The following PRKN variants were observed in gnomAD, a reference collection of about 807,000 sequenced individuals.
The protein encoded by PRKN is parkin RBR E3 ubiquitin protein ligase.
Under a neutral mutation model 59.5 loss-of-function variants are expected in PRKN, and 56 were observed. The ratio of observed to expected loss-of-function variants is 0.94; its 90% CI spans 0.76 to 1.18. The LOEUF is 1.18. PRKN is among the 50% of genes most tolerant of loss of function. The pLI is 0.00. For synonymous variants in PRKN, 250 were observed against 222.1 expected, an observed-to-expected ratio of 1.13 and a Z score of -1.12; for missense variants, 657 against 596.4, an observed-to-expected ratio of 1.10 and a Z score of -1.06.
At chr6:162,363,483 T>C (rs1401170867) in intron 2 of PRKN, among the ~76,000 whole-genome samples, 1 of 152,188 alleles carries the variant, frequency 6.6e-6, no homozygotes, top group African/African-American at 2.4e-5. Context: ...TATTTATTCT[T>C]CCATACTTAA....
intron 9 of PRKN, among the ~76,000 whole-genome samples, chr6:161,416,367 G>A (rs1787851921): frequency 6.6e-6 from 1 of 152,104 alleles, no homozygotes; most frequent in African/African-American, 2.4e-5. Context: ...CACACACTGG[G>A]GGGCAGGAAC....
intron 1 of PRKN, among the ~76,000 whole-genome samples, chr6:162,635,810 G>A (rs1777689288): frequency 6.6e-6 from 1 of 152,096 alleles, no homozygotes; most frequent in Non-Finnish European, 1.5e-5. Flanking sequence ...CTTGACACAA[G>A]TGAGTGCCTC....
At chr6:161,603,683 A>C (rs1274154142) in intron 7 of PRKN, among the ~76,000 whole-genome samples, 1 of 152,144 alleles carries the variant, frequency 6.6e-6, no homozygotes, top group Admixed American at 6.6e-5. Context: ...CTCCTTCCGT[A>C]TCATTTTGAT....
chr6:162,317,064 A>G (rs1260501191), intron 2 of PRKN, among the ~76,000 whole-genome samples: 1 of 152,070 alleles, frequency 6.6e-6, no homozygotes, highest in African/African-American at 2.4e-5. Context: ...TTATTCACAT[A>G]TATTCTCTAA....
At chr6:162,582,974 G>A (rs1157048671) in intron 1 of PRKN, among the ~76,000 whole-genome samples, 1 of 152,186 alleles carries the variant, frequency 6.6e-6, no homozygotes, top group African/African-American at 2.4e-5. Flanking sequence ...AGTGATAGGA[G>A]GTAGGACTTT....
intron 8 of PRKN, among the ~76,000 whole-genome samples, chr6:161,558,405 T>C (rs1405565016): frequency 2.0e-5 from 3 of 150,198 alleles, no homozygotes; most frequent in Admixed American, 6.6e-5. Flanking sequence ...CGACAAAAAA[T>C]TAAAAAAAAA....
At chr6:162,638,871 A>G (rs1223075398) in intron 1 of PRKN, among the ~76,000 whole-genome samples, 1 of 150,798 alleles carries the variant, frequency 6.6e-6, no homozygotes, top group Middle Eastern at 3.2e-3. Flanking sequence ...CGGCCTCCCA[A>G]ATAGTTGGGA....
chr6:161,430,686 G>A (rs966562163), intron 9 of PRKN, among the ~76,000 whole-genome samples: 3 of 151,416 alleles, frequency 2.0e-5, no homozygotes, highest in Non-Finnish European at 3.0e-5. Context: ...ATAGTGGCGG[G>A]CGCCTGTAGT....
intron 2 of PRKN, among the ~76,000 whole-genome samples, chr6:162,423,394 C>T (rs749147338): frequency 2.6e-5 from 4 of 152,198 alleles, no homozygotes; most frequent in Non-Finnish European, 5.9e-5. Context: ...CTCCCTTCCA[C>T]CTTCCCTCCT....
rs1373202406 is a variant in PRKN, at chr6:162,476,796, G to A, written c.8-33323C>T. Among the ~76,000 whole-genome samples the A allele has an allele frequency of 3.3e-5, 5 of 152,110 alleles. No homozygotes were observed. In the East Asian group the frequency reaches 9.6e-4, roughly 29 times the overall value. On this transcript the variant is annotated intron_variant, in intron 1 of 11. Coordinates refer to ENST00000366898, the MANE Select transcript of PRKN (RefSeq NM_004562.3). ...GGTGCATGCCAGGTGCTTTCGAATT[G>A]TTAACCACCCACAAGAAGCCTGAAC...
chr6:161,562,747 G>A lies in PRKN; in HGVS notation c.933+6608C>T, dbSNP rs1780504761. On this transcript the variant is annotated intron_variant, in intron 8 of 11. Coordinates refer to ENST00000366898, the MANE Select transcript of PRKN (RefSeq NM_004562.3). The surrounding 1 kb of genome is among the most constrained non-coding windows in gnomAD (Gnocchi z 4.3). Reference sequence around the variant, plus strand: ...CCTTTCCCTGACCCACAGCCAGTCAGTCACCAAGTCCTTGAATTCTGCCTC... The same window carrying A: ...CCTTTCCCTGACCCACAGCCAGTCAATCACCAAGTCCTTGAATTCTGCCTC... Among the ~76,000 whole-genome samples, 1 of 152,138 alleles carries A rather than the reference G, an allele frequency of 6.6e-6. No individual in the cohort carries two copies.
chr6:162,659,652 A>C (rs1346338462), intron 1 of PRKN, among the ~76,000 whole-genome samples: 1 of 152,164 alleles, frequency 6.6e-6, no homozygotes, highest in Non-Finnish European at 1.5e-5. Context: ...TTAACCCATT[A>C]GGTGCCAAAA....
intron 2 of PRKN, among the ~76,000 whole-genome samples, chr6:162,420,485 T>C (rs1265786665): frequency 6.6e-6 from 1 of 152,158 alleles, no homozygotes; most frequent in Non-Finnish European, 1.5e-5. Flanking sequence ...ACAGTGCAGA[T>C]TGCCTGCATC....
chr6:161,621,203 A>G (rs1030189159), intron 7 of PRKN, among the ~76,000 whole-genome samples: 5 of 152,164 alleles, frequency 3.3e-5, no homozygotes, highest in Non-Finnish European at 1.5e-5. Flanking sequence ...ATCTTTAGGT[A>G]GATAAAGATA....
chr6:162,441,016 A>G lies in PRKN; in HGVS notation c.171+2294T>C, dbSNP rs1344718575. Among the ~76,000 whole-genome samples, 9 of 152,044 alleles carry G rather than the reference A, an allele frequency of 5.9e-5. No homozygotes were observed. The East Asian group carries it at 1.7e-3, about 29-fold the overall frequency. On this transcript the variant is annotated intron_variant, in intron 2 of 11. Coordinates refer to ENST00000366898, the MANE Select transcript of PRKN (RefSeq NM_004562.3). ...ACTCTTCTATGAACAAAGTTTGCCAACTTCTCGGCACCTAAATCATTTAAC... is the reference window on the plus strand; with the variant it reads ...ACTCTTCTATGAACAAAGTTTGCCAGCTTCTCGGCACCTAAATCATTTAAC...
At position 162,125,783 on chromosome 6, in the gene PRKN, G is replaced by A. The variant is rs540455361; in HGVS notation, c.535-71609C>T. 2.6e-4 allele frequency among the ~76,000 whole-genome samples: 40 copies of A among 152,316 alleles called. No homozygotes were observed. The South Asian group carries it at 8.3e-3, about 32-fold the overall frequency. ...TCACATTTAAAGATGATACATGGCAGGTACTCAATAAGTATTTGTTGAATG... is the reference window on the plus strand; with the variant it reads ...TCACATTTAAAGATGATACATGGCAAGTACTCAATAAGTATTTGTTGAATG... On this transcript the variant is annotated intron_variant, in intron 4 of 11. Transcript: ENST00000366898.
intron 6 of PRKN, among the ~76,000 whole-genome samples, chr6:161,822,505 G>A (rs1011303320): frequency 1.3e-5 from 2 of 152,100 alleles, no homozygotes; most frequent in African/African-American, 4.8e-5. Flanking sequence ...GCGAAACCCC[G>A]TCTCAACTAA....
rs578091672 is a variant in PRKN, at chr6:161,974,796, T to C, written c.619-1379A>G. ...GGATTTTCCCTTAAAACACTTGATC[T>C]GGTATTGACAAACTTTGATGTAAAG... On this transcript the variant is annotated intron_variant, in intron 5 of 11. Coordinates refer to ENST00000366898, the MANE Select transcript of PRKN (RefSeq NM_004562.3). 7.9e-5 allele frequency among the ~76,000 whole-genome samples: 12 copies of C among 152,344 alleles called. No homozygotes were observed. The South Asian group carries it at 8.3e-4, about 11-fold the overall frequency.
At chr6:162,285,012 A>G (rs1781117445) in intron 2 of PRKN, among the ~76,000 whole-genome samples, 2 of 152,170 alleles carry the variant, frequency 1.3e-5, no homozygotes, top group Admixed American at 6.5e-5. Flanking sequence ...TCAGGTATAG[A>G]CAGACACAGA....
Sources: gnomAD v4.1 joint callset for allele counts (sites outside exome capture counted in the v4.1 genomes callset) on GRCh38, gnomAD v4.1.1 for gene constraint, Gnocchi (gnomAD v3.1) non-coding constraint, MANE v1.5 for transcripts, NCBI Gene and HGNC (gene_info 2026-07-23, HGNC 2026-07-21) for gene names.